CNP: variants seen among roughly 807,000 people sequenced by gnomAD.
The protein encoded by CNP is 2',3'-cyclic-nucleotide 3'-phosphodiesterase.
A neutral mutation model predicts 37.9 loss-of-function variants in CNP; 8 were observed. The ratio of observed to expected loss-of-function variants is 0.21; its 90% CI spans 0.12 to 0.38. CNP has a LOEUF of 0.38. Ranked by LOEUF, CNP falls within the 10% of genes least tolerant of loss-of-function variation. The pLI is 1.00. For synonymous variants in CNP, 237 were observed against 238.3 expected (o/e 0.99, Z 0.05); for missense variants, 457 against 551.0 (o/e 0.83, Z 1.71).
chr17:41,977,127 G>T lies in CNP; in HGVS notation c.*3203G>T. ...CTTCATCCTTAGCAACAGCCGAGTG[G>T]ATAGATGCCCTGCTAGATGAGAATT... On this transcript the variant is annotated 3_prime_UTR_variant, in exon 4 of 4. Transcript: ENST00000393892. 1 of 916,992 alleles carries T rather than the reference G, an allele frequency of 1.1e-6. No individual in the cohort carries two copies. The highest frequency in any genetic ancestry group is 1.7e-5 in the African/African-American group (1 of 59,842). 56.8% of individuals were successfully genotyped at this position (916,992 alleles called of 1,614,324 possible). A position where few individuals can be genotyped will look rare whatever the true frequency, so the allele number is the denominator to read the frequency against.
chr17:41,967,118 A>G (rs2050909612), intron 1 of CNP: 1 of 419,716 alleles, frequency 2.4e-6, no homozygotes, highest in Admixed American at 4.5e-5. Flanking sequence ...GGAACTCGGG[A>G]CCGCAGAAGC....
rs568335984 is a variant in CNP, at chr17:41,973,478, T to C, written c.820T>C (p.Leu274=). ...CCCTCTTTCTCACTCTCCCCAGGTG[T>C]TAAAGAAATCTTACTCCAAGGCCTT... is the stretch of plus-strand genomic sequence containing the variant. ...GAEEYAQQDV[L]KKSYSKAFTL... The change falls in exon 4 of 4, where the codon TTA becomes CTA. Residue 274 remains leucine (L), a synonymous_variant. Coordinates refer to ENST00000393892, the MANE Select transcript of CNP (RefSeq NM_033133.5). 6.2e-7 allele frequency: 1 copy of C among 1,613,200 alleles called. No homozygotes were observed. Among genetic ancestry groups the C allele is most frequent in the Non-Finnish European group, 8.5e-7 (1 of 1,179,482 alleles).
rs1443783030 is a variant in CNP, at chr17:41,975,619, G to A, written c.*1695G>A. 1.3e-5 allele frequency: 2 copies of A among 152,202 alleles called. No individual in the cohort carries two copies. Among genetic ancestry groups the A allele is most frequent in the African/African-American group, 4.8e-5 (2 of 41,424 alleles). The allele number at this position is 152,202 out of a possible 1,614,324, so 9.4% of individuals were successfully genotyped here. ...TTGAGTCCCTTCCAGGCCATCAGAG[G>A]CCTAGTCAGCCACATGGGAAACTTC... On this transcript the variant is annotated 3_prime_UTR_variant, in exon 4 of 4. Coordinates refer to ENST00000393892, the MANE Select transcript of CNP (RefSeq NM_033133.5).
rs1383354873 is a variant in CNP at position 41,976,073 on chromosome 17, CTT to C, written c.*2151_*2152del. On this transcript the variant is annotated 3_prime_UTR_variant, in exon 4 of 4. Transcript: ENST00000393892. ...ACACTGCAACAGGAACTGTGAGAGT[CTT>C]TGTAAGTAAACTGCCCTGTCTAGGT... 2 of 152,412 alleles carry C rather than the reference CTT, an allele frequency of 1.3e-5. No homozygotes were observed. The highest frequency in any genetic ancestry group is 2.1e-4 in the South Asian group (1 of 4,838). The allele number at this position is 152,412 out of a possible 1,614,324, so 9.4% of individuals were successfully genotyped here.
intron 3 of CNP, among the ~76,000 whole-genome samples, chr17:41,973,094 T>A (rs2051014403): frequency 6.6e-6 from 1 of 152,328 alleles, no homozygotes; most frequent in South Asian, 2.1e-4. Flanking sequence ...GTTTACCTAG[T>A]CACTCTCATA....
At position 41,977,333 on chromosome 17, in the gene CNP, A is replaced by G. The variant is rs2143075553; in HGVS notation, c.*3409A>G. On this transcript the variant is annotated 3_prime_UTR_variant, in exon 4 of 4. Coordinates refer to ENST00000393892, the MANE Select transcript of CNP (RefSeq NM_033133.5). Reference sequence around the variant, plus strand: ...TTGTTTGGATCAAAATCTGTAGAGCAGGGCAAGTAACATGGAAGGGAAGAA... The same window carrying G: ...TTGTTTGGATCAAAATCTGTAGAGCGGGGCAAGTAACATGGAAGGGAAGAA... The G allele has an allele frequency of 6.4e-7, 1 of 1,574,352 alleles. No homozygotes were observed.
Position 41,968,617 on chromosome 17 carries a change from T to C in CNP, c.553T>C (p.Phe185Leu). 1 of 1,614,142 alleles carries C rather than the reference T, an allele frequency of 6.2e-7. No homozygotes were observed. The highest frequency in any genetic ancestry group is 1.1e-5 in the South Asian group (1 of 91,078). ...KKLKPGLEKD[F>L]LPLYFGWFLT... The stretch of plus-strand genomic sequence containing the variant: ...GCTGAAGCCTGGGCTGGAGAAGGAC[T>C]TCCTGCCGCTCTACTTCGGCTGGTT... The change falls in exon 2 of 4, where the codon TTC becomes CTC. Residue 185 changes from phenylalanine to leucine, a missense_variant. Coordinates refer to ENST00000393892, the MANE Select transcript of CNP (RefSeq NM_033133.5). This position sits in a 1 kb window ranked among gnomAD's most constrained non-coding sequence, Gnocchi z 4.8.
rs1453053907 is a variant in CNP at position 41,968,847 on chromosome 17, C to CAG, written c.676+114_676+115dup. 7.7e-7 allele frequency: 1 copy of CAG among 1,304,940 alleles called. No homozygotes were observed. Among genetic ancestry groups the CAG allele is most frequent in the African/African-American group, 1.5e-5 (1 of 66,858 alleles). The allele number at this position is 1,304,940 out of a possible 1,614,324, so 80.8% of individuals were successfully genotyped here. ...GGATGGAGCACGAAGCAGCAGGAGG[C>CAG]AGAGAGAGGCTCACCTCAGCGGGGG... On this transcript the variant is annotated intron_variant, in intron 2 of 3. Transcript: ENST00000393892. The surrounding 1 kb of genome is among the most constrained non-coding windows in gnomAD (Gnocchi z 4.8).
In CNP at chr17:41,973,974, GTGC is replaced by G; in HGVS notation, c.*51_*53del. 3 of 1,325,398 alleles carry G rather than the reference GTGC, an allele frequency of 2.3e-6. No homozygotes were observed. Among genetic ancestry groups the G allele is most frequent in the Non-Finnish European group, 3.0e-6 (3 of 1,014,248 alleles). 82.1% of individuals were successfully genotyped at this position (1,325,398 alleles called of 1,614,324 possible). A position where few individuals can be genotyped will look rare whatever the true frequency, so the allele number is the denominator to read the frequency against. On this transcript the variant is annotated 3_prime_UTR_variant, in exon 4 of 4. Transcript: ENST00000393892. ...CTAGAAGGGAAGGGGAGAGGGAAACGTGCCCTCTGTTTGATCCTTGTTTTGTGA... is the reference window on the plus strand; with the variant it reads ...CTAGAAGGGAAGGGGAGAGGGAAACGCCTCTGTTTGATCCTTGTTTTGTGA...
Position 41,968,540 on chromosome 17 carries a change from C to G in CNP, c.476C>G (p.Ala159Gly). ...EPKTAWRLDC[A>G]QLKEKNQWQL... ...AAGACGGCGTGGCGGCTGGACTGTGCCCAGCTCAAGGAGAAGAACCAGTGG... is the reference window on the plus strand; with the variant it reads ...AAGACGGCGTGGCGGCTGGACTGTGGCCAGCTCAAGGAGAAGAACCAGTGG... The change falls in exon 2 of 4, where the codon GCC (alanine) becomes GGC (glycine). Residue 159 changes from alanine to glycine, a missense_variant. This residue lies in a region of CNP where 166 missense variants were observed against 259.3 expected (regional missense o/e 0.64). Transcript: ENST00000393892. This position sits in a 1 kb window ranked among gnomAD's most constrained non-coding sequence, Gnocchi z 4.8. The G allele has an allele frequency of 6.2e-7, 1 of 1,614,092 alleles. No homozygotes were observed. Among genetic ancestry groups the G allele is most frequent in the Non-Finnish European group, 8.5e-7 (1 of 1,180,036 alleles).
At position 41,973,369 on chromosome 17, in the gene CNP, C is replaced by G. The variant is rs2051019553; in HGVS notation, c.817-106C>G. ...GACCCCTGCTCAGCTGTGCTCACTT[C>G]TGTTAGACTTCCCCTTCTCTCCTCC... is the stretch of plus-strand genomic sequence containing the variant. On this transcript the variant is annotated intron_variant, in intron 3 of 3. Transcript: ENST00000393892. 3.7e-6 allele frequency: 4 copies of G among 1,082,310 alleles called. No individual in the cohort carries two copies. In the African/African-American group the frequency reaches 6.3e-5, roughly 17 times the overall value. 67.0% of individuals were successfully genotyped at this position (1,082,310 alleles called of 1,614,324 possible).
chr17:41,971,690 A>G, intron 2 of CNP: 1 of 567,100 alleles, frequency 1.8e-6, no homozygotes, highest in Non-Finnish European at 3.0e-6. Context: ...GAACCACCGC[A>G]CCTGGCCTGA....
chr17:41,973,803 T>A lies in CNP; in HGVS notation c.1145T>A (p.Leu382Gln). Residue 382 changes from leucine (L) to glutamine (Q), a missense_variant, in exon 4 of 4, where the codon CTG becomes CAG. This residue lies in a region of CNP where 291 missense variants were observed against 291.7 expected (regional missense o/e 1.00). Coordinates refer to ENST00000393892, the MANE Select transcript of CNP (RefSeq NM_033133.5). ...LYSLGNGRWM[L>Q]TLAKNMEVRA... Reference sequence around the variant, plus strand: ...TCCTTGGGCAATGGGCGCTGGATGCTGACCCTGGCCAAGAACATGGAGGTC... The same window carrying A: ...TCCTTGGGCAATGGGCGCTGGATGCAGACCCTGGCCAAGAACATGGAGGTC... 1 of 1,612,426 alleles carries A rather than the reference T, an allele frequency of 6.2e-7. No individual in the cohort carries two copies. The highest frequency in any genetic ancestry group is 8.5e-7 in the Non-Finnish European group (1 of 1,179,148).
chr17:41,970,368 G>GA (rs1239406138), intron 2 of CNP: 1 of 146,956 alleles, frequency 6.8e-6, no homozygotes, highest in Non-Finnish European at 1.5e-5. Context: ...AAGATGGGAC[G>GA]AATCAAGCTT....
intron 2 of CNP, chr17:41,970,974 C>T (rs1458498899): frequency 6.6e-6 from 1 of 152,240 alleles, no homozygotes; most frequent in African/African-American, 2.4e-5. Flanking sequence ...GAGGCCCCCC[C>T]ATAGGCCTGC....
chr17:41,972,442 C>G (rs1598104823), intron 3 of CNP, among the ~76,000 whole-genome samples: 1 of 152,216 alleles, frequency 6.6e-6, no homozygotes, highest in East Asian at 1.9e-4. Flanking sequence ...TGGCCTGGCC[C>G]CAGAGTGAGG....
Position 41,966,822 on chromosome 17 carries a change from C to A in CNP, c.-63C>A. 1 of 1,379,052 alleles carries A rather than the reference C, an allele frequency of 7.3e-7. No homozygotes were observed. Among genetic ancestry groups the A allele is most frequent in the Admixed American group, 3.2e-5 (1 of 31,416 alleles). 85.4% of individuals were successfully genotyped at this position (1,379,052 alleles called of 1,614,324 possible). A position where few individuals can be genotyped will look rare whatever the true frequency, so the allele number is the denominator to read the frequency against. On this transcript the variant is annotated 5_prime_UTR_variant, in exon 1 of 4. Coordinates refer to ENST00000393892, the MANE Select transcript of CNP (RefSeq NM_033133.5). ...CGCTGGACTCCCGTGTCCCTCCGCG[C>A]AGGCGGGCGGCCCCGGAGCGCTGGT... is the stretch of plus-strand genomic sequence containing the variant.
rs200980179 is a variant in CNP, at chr17:41,973,876, G to A, written c.1218G>A (p.Thr406=). 23 of 1,574,696 alleles carry A rather than the reference G, an allele frequency of 1.5e-5. No homozygotes were observed. The highest frequency in any genetic ancestry group is 8.1e-5 in the African/African-American group (6 of 74,238). Residue 406 remains threonine, a synonymous_variant, in exon 4 of 4, where the codon ACG becomes ACA. Transcript: ENST00000393892. ...GYYGKGKPVP[T]QGSRKGGALQ... is the part of the protein sequence containing the mutation. ...ACGGGAAAGGCAAACCTGTGCCCAC[G>A]CAAGGTAGCCGGAAGGGGGGCGCCT... is the stretch of plus-strand genomic sequence containing the variant.
rs1555643198 is a variant in CNP at position 41,968,151 on chromosome 17, G to A, written c.87G>A (p.Lys29=). The change falls in exon 2 of 4, where the codon AAG becomes AAA. Residue 29 remains lysine (K), a synonymous_variant. Transcript: ENST00000393892. The surrounding 1 kb of genome is among the most constrained non-coding windows in gnomAD (Gnocchi z 4.8). ...RKMSSSGAKD[K]PELQFPFLQD... The stretch of plus-strand genomic sequence containing the variant: ...TGTCATCCTCAGGGGCCAAGGACAA[G>A]CCTGAGCTGCAGTTTCCCTTCCTTC... 2 of 1,614,256 alleles carry A rather than the reference G, an allele frequency of 1.2e-6. No homozygotes were observed. Among genetic ancestry groups the A allele is most frequent in the Non-Finnish European group, 1.7e-6 (2 of 1,180,044 alleles).
Sources: gnomAD v4.1 joint callset for allele counts (sites outside exome capture counted in the v4.1 genomes callset) on GRCh38, gnomAD v4.1.1 for gene constraint, gnomAD v4.1.1 regional missense constraint, Gnocchi (gnomAD v3.1) non-coding constraint, MANE v1.5 for transcripts, NCBI Gene and HGNC (gene_info 2026-07-23, HGNC 2026-07-21) for gene names.